The following ARL13B variants were observed in gnomAD, a reference collection of about 807,000 sequenced individuals.
ARL13B encodes the protein ARF like GTPase 13B.
In ARL13B, 36 loss-of-function variants were observed where a neutral mutation model predicts 56.1. The ratio of observed to expected loss-of-function variants is 0.64; its 90% confidence interval spans 0.49 to 0.85. ARL13B has a LOEUF of 0.85. ARL13B is among the 40% of genes least tolerant of loss of function. The pLI, the probability that ARL13B is intolerant of heterozygous loss-of-function variation, is 0.00. For missense variants in ARL13B, 519 were observed against 507.1 expected (o/e 1.02, Z -0.23); for synonymous variants, 178 against 171.1 (o/e 1.04, Z -0.32).
intron 3 of ARL13B, among the ~76,000 whole-genome samples, chr3:94,018,064 T>TA (rs2076368250): frequency 6.6e-6 from 1 of 152,182 alleles, no homozygotes; most frequent in Admixed American, 6.5e-5. Flanking sequence ...ATATGTAATT[T>TA]AAAAAAATTT....
At position 94,049,386 on chromosome 3, in the gene ARL13B, T is replaced by C. The variant is rs771843028; in HGVS notation, c.1025-20T>C. The C allele has an allele frequency of 2.1e-6, 3 of 1,462,432 alleles. No individual in the cohort carries two copies. Among genetic ancestry groups the C allele is most frequent in the Non-Finnish European group, 9.5e-7 (1 of 1,051,216 alleles). The allele number at this position is 1,462,432 out of a possible 1,614,324, so 90.6% of individuals were successfully genotyped here. A position where few individuals can be genotyped will look rare whatever the true frequency, so the allele number is the denominator to read the frequency against. ...CACTTTTTCATAAAGACATGAAGTT[T>C]CATGTTTATATTCTTGTAGCTAATG... On this transcript the variant is annotated intron_variant, in intron 7 of 9. Transcript: ENST00000394222.
chr3:93,987,087 C>G (rs547618177), intron 1 of ARL13B, among the ~76,000 whole-genome samples: 2 of 151,964 alleles, frequency 1.3e-5, no homozygotes, highest in Non-Finnish European at 2.9e-5. Context: ...TAATGTCATT[C>G]AGGAAAGATT....
intron 7 of ARL13B, among the ~76,000 whole-genome samples, chr3:94,045,959 A>AG (rs1308227966): frequency 6.8e-6 from 1 of 146,038 alleles, no homozygotes; most frequent in African/African-American, 2.5e-5. Context: ...ACAAAAAAAA[A>AG]AAAAAAAAGA....
chr3:94,039,154 T>G (rs1169512942), intron 5 of ARL13B, among the ~76,000 whole-genome samples: 1 of 152,114 alleles, frequency 6.6e-6, no homozygotes, highest in Non-Finnish European at 1.5e-5. Context: ...GAAGGAATGT[T>G]TTCCTAGTTT....
In ARL13B at chr3:93,980,216, G is replaced by T; in HGVS notation, c.-208G>T. On this transcript the variant is annotated 5_prime_UTR_variant, in exon 1 of 10. Transcript: ENST00000394222. ...GTGTATCTGCGTCTTTGGTCAGGTT[G>T]TTCCTTGGCTAAGAGGGCAGTCGTC... is the stretch of plus-strand genomic sequence containing the variant. The T allele has an allele frequency of 4.2e-6, 3 of 712,916 alleles. No individual in the cohort carries two copies. The highest frequency in any genetic ancestry group is 2.0e-5 in the Admixed American group (1 of 49,960). 44.2% of individuals were successfully genotyped at this position (712,916 alleles called of 1,614,324 possible). A position where few individuals can be genotyped will look rare whatever the true frequency, so the allele number is the denominator to read the frequency against.
At chr3:94,052,709 A>G (rs530656841) in intron 9 of ARL13B, among the ~76,000 whole-genome samples, 1 of 152,210 alleles carries the variant, frequency 6.6e-6, no homozygotes, top group East Asian at 1.9e-4. Flanking sequence ...CTTTTAAAGA[A>G]ATGCTTTTAT....
At position 94,003,781 on chromosome 3, in the gene ARL13B, T is replaced by G; in HGVS notation, c.253T>G (p.Tyr85Asp). The stretch of plus-strand genomic sequence containing the variant: ...AAGAATTCGGGGAATCTGGAAGAAT[T>G]ACTATGCTGAATCCTATGGGGTAAT... ...GIRIRGIWKN[Y>D]YAESYGVIFV... The change falls in exon 3 of 10, where the codon TAC (tyrosine) becomes GAC (aspartate). Residue 85 changes from tyrosine to aspartate, a missense_variant. Coordinates refer to ENST00000394222, the MANE Select transcript of ARL13B (RefSeq NM_001174150.2). 1 of 1,613,772 alleles carries G rather than the reference T, an allele frequency of 6.2e-7. No homozygotes were observed. Among genetic ancestry groups the G allele is most frequent in the Non-Finnish European group, 8.5e-7 (1 of 1,179,756 alleles).
chr3:94,042,385 G>C (rs1214556195), intron 6 of ARL13B, among the ~76,000 whole-genome samples: 1 of 152,068 alleles, frequency 6.6e-6, no homozygotes, highest in Non-Finnish European at 1.5e-5. Flanking sequence ...CTATTAGGAT[G>C]ATTCTGTTTT....
At chr3:94,004,842 A>G (rs2107441113) in intron 3 of ARL13B, among the ~76,000 whole-genome samples, 1 of 152,224 alleles carries the variant, frequency 6.6e-6, no homozygotes, top group Middle Eastern at 3.4e-3. Flanking sequence ...TGTATAAGCA[A>G]TTCTCATGTT....
intron 6 of ARL13B, 41 bp downstream of exon 6, chr3:94,040,029 T>C (rs2076836778): frequency 1.3e-6 from 2 of 1,567,928 alleles, no homozygotes; most frequent in Admixed American, 1.7e-5. Flanking sequence ...TCTTAAGTTA[T>C]AAGTTGGAAC....
intron 3 of ARL13B, among the ~76,000 whole-genome samples, chr3:94,007,595 T>G (rs1468413695): frequency 6.6e-6 from 1 of 152,108 alleles, no homozygotes; most frequent in East Asian, 1.9e-4. Flanking sequence ...CAGAAACCCC[T>G]GATAAAACCA....
intron 1 of ARL13B, among the ~76,000 whole-genome samples, chr3:93,984,798 G>C (rs1006949987): frequency 3.9e-5 from 6 of 152,278 alleles, no homozygotes; most frequent in South Asian, 2.1e-4. Flanking sequence ...CTTGAGCCTA[G>C]GAGTTTGAGA....
At position 94,018,891 on chromosome 3, in the gene ARL13B, G is replaced by A. The variant is rs576584624; in HGVS notation, c.380+14983G>A. 4.6e-5 allele frequency among the ~76,000 whole-genome samples: 7 copies of A among 152,094 alleles called. No homozygotes were observed. In the South Asian group the frequency reaches 6.2e-4, roughly 14 times the overall value. ...AGCAATTCTCCTGCCTCAGCCTCCC[G>A]AGTGGCTGGGACTACAGGCATGTGC... On this transcript the variant is annotated intron_variant, in intron 3 of 9. Transcript: ENST00000394222.
At chr3:94,049,948 C>T (rs1264076891) in intron 8 of ARL13B, among the ~76,000 whole-genome samples, 2 of 147,078 alleles carry the variant, frequency 1.4e-5, no homozygotes, top group African/African-American at 5.0e-5. Flanking sequence ...GTGAAGAGTT[C>T]GAGATCAACC....
Position 93,980,354 on chromosome 3 carries a change from C to T in ARL13B, c.-70C>T, listed in dbSNP as rs547346186. The T allele has an allele frequency of 3.1e-5, 50 of 1,594,728 alleles. No individual in the cohort carries two copies. The African/African-American group carries it at 6.1e-4, about 20-fold the overall frequency. The stretch of plus-strand genomic sequence containing the variant: ...GGGGCGTCTCGGAGTGCCGGAGGCC[C>T]CCGGGGAAGAGCGGGGTGCCGGTGT... On this transcript the variant is annotated 5_prime_UTR_variant, in exon 1 of 10. Transcript: ENST00000394222.
intron 3 of ARL13B, among the ~76,000 whole-genome samples, chr3:94,010,513 A>G (rs114358537): frequency 0.013 from 1,983 of 152,160 alleles, 24 homozygotes; most frequent in Non-Finnish European, 0.023. Context: ...TACTTTCAGT[A>G]TTGCAATATT....
chr3:94,029,353 T>A lies in ARL13B; in HGVS notation c.381-5978T>A, dbSNP rs13062251. On this transcript the variant is annotated intron_variant, in intron 3 of 9. Transcript: ENST00000394222. ...ATATATATTTATTTTTTTTTTATTT[T>A]TTTTTTTTTTTGAGAAGGAGTCTTG... is the stretch of plus-strand genomic sequence containing the variant. Among the ~76,000 whole-genome samples, 609 of 115,946 alleles carry A rather than the reference T, an allele frequency of 5.3e-3. 15 individuals are homozygous for A. The highest frequency in any genetic ancestry group is 0.022 in the African/African-American group (533 of 24,004). The allele number at this position is 115,946 out of a possible 152,430, so 76.1% of individuals were successfully genotyped here.
At chr3:93,992,613 A>G (rs914973603) in intron 1 of ARL13B, among the ~76,000 whole-genome samples, 19 of 152,250 alleles carry the variant, frequency 1.2e-4, no homozygotes, top group African/African-American at 3.6e-4. Flanking sequence ...AGTAGAAAAC[A>G]GAGATTTATT....
Position 94,003,666 on chromosome 3 carries a change from T to C in ARL13B, c.138T>C (p.Pro46=), listed in dbSNP as rs755488760. Residue 46 remains proline (P), a synonymous_variant, in exon 3 of 10, where the codon CCT becomes CCC. Transcript: ENST00000394222. The part of the protein sequence containing the change: ...ATAKGIQGEY[P]EDVAPTVGFS... ...GTGTATCATTTGTAACAGAATACCC[T>C]GAAGATGTAGCTCCTACTGTTGGAT... 1 of 1,613,098 alleles carries C rather than the reference T, an allele frequency of 6.2e-7. No individual in the cohort carries two copies. The highest frequency in any genetic ancestry group is 8.5e-7 in the Non-Finnish European group (1 of 1,179,468).
Sources: allele counts gnomAD v4.1 joint callset (sites outside exome capture counted in the v4.1 genomes callset), GRCh38; gene constraint gnomAD v4.1.1; transcripts MANE v1.5; gene names NCBI Gene and HGNC (gene_info 2026-07-23, HGNC 2026-07-21).